Variants in OR10Z1 observed in about 807,000 individuals in gnomAD.
OR10Z1 encodes the protein olfactory receptor 10Z1.
For missense variants in OR10Z1, 468 were observed against 371.0 expected (o/e 1.26, Z -2.15); for synonymous variants, 187 against 151.2 (o/e 1.24, Z -1.74).
At position 158,609,383 on chromosome 1, in the gene OR10Z1, C is replaced by G. The variant is rs1649145558; in HGVS notation, c.*2003C>G. ...CTCATCAGGGGAGAAAGGCCATCTACTCTGAAGTTCTCAATATTGGAAGAA... is the reference window on the plus strand; with the variant it reads ...CTCATCAGGGGAGAAAGGCCATCTAGTCTGAAGTTCTCAATATTGGAAGAA... On this transcript the variant is annotated 3_prime_UTR_variant, in exon 2 of 2. Coordinates refer to ENST00000641002, the MANE Select transcript of OR10Z1 (RefSeq NM_001004478.2). 1 of 152,176 alleles carries G rather than the reference C, an allele frequency of 6.6e-6. No individual in the cohort carries two copies. The highest frequency in any genetic ancestry group is 2.4e-5 in the African/African-American group (1 of 41,442). The allele number at this position is 152,176 out of a possible 1,614,324, so 9.4% of individuals were successfully genotyped here. A position where few individuals can be genotyped will look rare whatever the true frequency, so the allele number is the denominator to read the frequency against.
In OR10Z1 at chr1:158,607,020, G is replaced by T. The variant is rs775370221; in HGVS notation, c.582G>T (p.Pro194=). The change falls in exon 2 of 2, where the codon CCG becomes CCT. Residue 194 remains proline (P), a synonymous_variant. Transcript: ENST00000641002. Reference sequence around the variant, plus strand: ...GCCTAGCCTGTGGAGATACAGGCCCGAGTGAGCTGAGGATCTTTATCCTCA... The same window carrying T: ...GCCTAGCCTGTGGAGATACAGGCCCTAGTGAGCTGAGGATCTTTATCCTCA... ...VLSLACGDTG[P]SELRIFILSL... The T allele has an allele frequency of 6.2e-7, 1 of 1,613,988 alleles. No individual in the cohort carries two copies. The highest frequency in any genetic ancestry group is 8.5e-7 in the Non-Finnish European group (1 of 1,179,970).
At position 158,607,317 on chromosome 1, in the gene OR10Z1, G is replaced by C. The variant is rs781215502; in HGVS notation, c.879G>C (p.Arg293Ser). Residue 293 changes from arginine to serine, a missense_variant, in exon 2 of 2, where the codon AGG becomes AGC. Coordinates refer to ENST00000641002, the MANE Select transcript of OR10Z1 (RefSeq NM_001004478.2). ...TTAATCCCATTGTTTATAGTCTAAG[G>C]AATAGGGCTATACAGACAGCTCTGA... The part of the protein sequence containing the change: ...PLLNPIVYSL[R>S]NRAIQTALRN... The C allele has an allele frequency of 4.3e-6, 7 of 1,613,908 alleles. No individual in the cohort carries two copies. The South Asian group carries it at 7.7e-5, about 18-fold the overall frequency.
chr1:158,606,701 G>T lies in OR10Z1; in HGVS notation c.263G>T (p.Gly88Val). 1.2e-6 allele frequency: 2 copies of T among 1,614,030 alleles called. No individual in the cohort carries two copies. The highest frequency in any genetic ancestry group is 1.7e-6 in the Non-Finnish European group (2 of 1,179,950). Residue 88 changes from glycine (G) to valine (V), a missense_variant, in exon 2 of 2, where the codon GGG (glycine) becomes GTG (valine). By Grantham distance (109) the Gly-to-Val change is moderately radical. Transcript: ENST00000641002. Reference sequence around the variant, plus strand: ...AGAATGCTCTCTGGCCTGGCTGGGGGGGACCAGGCTATCTCCTATGTGGGC... The same window carrying T: ...AGAATGCTCTCTGGCCTGGCTGGGGTGGACCAGGCTATCTCCTATGTGGGC... The part of the protein sequence containing the change: ...IPRMLSGLAG[G>V]DQAISYVGCA...
chr1:158,609,416 C>T lies in OR10Z1; in HGVS notation c.*2036C>T, dbSNP rs955167386. ...TTCTCAATATTGGAAGAAGTAATGC[C>T]TCATTGCACTGAGGCCATGTGAGCA... On this transcript the variant is annotated 3_prime_UTR_variant, in exon 2 of 2. Transcript: ENST00000641002. 1.3e-5 allele frequency: 2 copies of T among 152,164 alleles called. No homozygotes were observed. The highest frequency in any genetic ancestry group is 2.9e-5 in the Non-Finnish European group (2 of 68,024). 9.4% of individuals were successfully genotyped at this position (152,164 alleles called of 1,614,324 possible). A position where few individuals can be genotyped will look rare whatever the true frequency, so the allele number is the denominator to read the frequency against.
Position 158,609,849 on chromosome 1 carries a change from T to C in OR10Z1, c.*2469T>C, listed in dbSNP as rs1649160158. ...TTGAAAATTTTTGGCAGGGTTAGCA[T>C]TGGGGGAATGGAATCACATCCACCT... On this transcript the variant is annotated 3_prime_UTR_variant, in exon 2 of 2. Coordinates refer to ENST00000641002, the MANE Select transcript of OR10Z1 (RefSeq NM_001004478.2). 3 of 152,218 alleles carry C rather than the reference T, an allele frequency of 2.0e-5. No homozygotes were observed. In the South Asian group the frequency reaches 6.2e-4, roughly 32 times the overall value. The allele number at this position is 152,218 out of a possible 1,614,324, so 9.4% of individuals were successfully genotyped here. A position where few individuals can be genotyped will look rare whatever the true frequency, so the allele number is the denominator to read the frequency against.
Position 158,610,173 on chromosome 1 carries a change from A to G in OR10Z1, c.*2793A>G, listed in dbSNP as rs1401090247. 1 of 152,188 alleles carries G rather than the reference A, an allele frequency of 6.6e-6. No homozygotes were observed. Among genetic ancestry groups the G allele is most frequent in the African/African-American group, 2.4e-5 (1 of 41,446 alleles). 9.4% of individuals were successfully genotyped at this position (152,188 alleles called of 1,614,324 possible). A position where few individuals can be genotyped will look rare whatever the true frequency, so the allele number is the denominator to read the frequency against. The stretch of plus-strand genomic sequence containing the variant: ...TTTGTTTAAAAAAGGCTCCTATGAC[A>G]GGATTTGTCCTGCACAGATTCATTT... On this transcript the variant is annotated 3_prime_UTR_variant, in exon 2 of 2. Coordinates refer to ENST00000641002, the MANE Select transcript of OR10Z1 (RefSeq NM_001004478.2).
Position 158,611,731 on chromosome 1 carries a change from G to T in OR10Z1, c.*4351G>T, listed in dbSNP as rs1039361050. ...TCTTCCTGGCTGCTTTGAGATGTGG[G>T]GACTAGCATGTTTTATGAGTAAGGT... On this transcript the variant is annotated 3_prime_UTR_variant, in exon 2 of 2. Coordinates refer to ENST00000641002, the MANE Select transcript of OR10Z1 (RefSeq NM_001004478.2). 2.7e-5 allele frequency: 7 copies of T among 261,936 alleles called. No homozygotes were observed. The highest frequency in any genetic ancestry group is 5.2e-5 in the Non-Finnish European group (7 of 134,118). 16.2% of individuals were successfully genotyped at this position (261,936 alleles called of 1,614,324 possible).
chr1:158,611,482 T>C lies in OR10Z1; in HGVS notation c.*4102T>C. On this transcript the variant is annotated 3_prime_UTR_variant, in exon 2 of 2. Transcript: ENST00000641002. ...CATATTACGCCATAAATGCAGGAGA[T>C]GGAGAGTCTCTGGAAGACGCAAGCC... 2.7e-6 allele frequency: 4 copies of C among 1,487,744 alleles called. No individual in the cohort carries two copies. The highest frequency in any genetic ancestry group is 3.7e-6 in the Non-Finnish European group (4 of 1,074,658). 92.2% of individuals were successfully genotyped at this position (1,487,744 alleles called of 1,614,324 possible). A position where few individuals can be genotyped will look rare whatever the true frequency, so the allele number is the denominator to read the frequency against.
rs1649174341 is a variant in OR10Z1 at position 158,610,200 on chromosome 1, T to C, written c.*2820T>C. 1 of 152,200 alleles carries C rather than the reference T, an allele frequency of 6.6e-6. No individual in the cohort carries two copies. Among genetic ancestry groups the C allele is most frequent in the African/African-American group, 2.4e-5 (1 of 41,454 alleles). The allele number at this position is 152,200 out of a possible 1,614,324, so 9.4% of individuals were successfully genotyped here. On this transcript the variant is annotated 3_prime_UTR_variant, in exon 2 of 2. Coordinates refer to ENST00000641002, the MANE Select transcript of OR10Z1 (RefSeq NM_001004478.2). Reference sequence around the variant, plus strand: ...GATTTGTCCTGCACAGATTCATTTCTATGCAGAGGAAGGGACTGAGACTTA... The same window carrying C: ...GATTTGTCCTGCACAGATTCATTTCCATGCAGAGGAAGGGACTGAGACTTA...
At chr1:158,606,083 T>C (rs995289301) in intron 1 of OR10Z1, among the ~76,000 whole-genome samples, 4 of 152,204 alleles carry the variant, frequency 2.6e-5, no homozygotes, top group Non-Finnish European at 5.9e-5. Context: ...TAATTTATAG[T>C]TTTGAATGTG....
chr1:158,610,151 G>C lies in OR10Z1; in HGVS notation c.*2771G>C, dbSNP rs1321273519. The C allele has an allele frequency of 6.6e-6, 1 of 151,992 alleles. No homozygotes were observed. The highest frequency in any genetic ancestry group is 1.5e-5 in the Non-Finnish European group (1 of 67,990). The allele number at this position is 151,992 out of a possible 1,614,324, so 9.4% of individuals were successfully genotyped here. On this transcript the variant is annotated 3_prime_UTR_variant, in exon 2 of 2. Transcript: ENST00000641002. ...ACTTTTTAGCTTTAACCAACTTTTTGTTTAAAAAAGGCTCCTATGACAGGA... is the reference window on the plus strand; with the variant it reads ...ACTTTTTAGCTTTAACCAACTTTTTCTTTAAAAAAGGCTCCTATGACAGGA...
Position 158,607,529 on chromosome 1 carries a change from C to G in OR10Z1, c.*149C>G, listed in dbSNP as rs1649091760. On this transcript the variant is annotated 3_prime_UTR_variant, in exon 2 of 2. Transcript: ENST00000641002. ...CTTATCCTGCCTCTTGCCCTTCCCC[C>G]TGACTGCTTGGAATGCAGAGGCGGG... The G allele has an allele frequency of 5.0e-6, 3 of 604,116 alleles. No individual in the cohort carries two copies. The highest frequency in any genetic ancestry group is 2.3e-5 in the South Asian group (1 of 42,640). 37.4% of individuals were successfully genotyped at this position (604,116 alleles called of 1,614,324 possible). A position where few individuals can be genotyped will look rare whatever the true frequency, so the allele number is the denominator to read the frequency against.
At position 158,606,939 on chromosome 1, in the gene OR10Z1, A is replaced by G. The variant is rs763814460; in HGVS notation, c.501A>G (p.Ser167=). The G allele has an allele frequency of 6.2e-7, 1 of 1,613,950 alleles. No homozygotes were observed. The highest frequency in any genetic ancestry group is 8.5e-7 in the Non-Finnish European group (1 of 1,179,968). Reference sequence around the variant, plus strand: ...TGACACTAGTTATTTTCCACCTCTCATTCTGCAGCTCCCATGAAATCCAGC... The same window carrying G: ...TGACACTAGTTATTTTCCACCTCTCGTTCTGCAGCTCCCATGAAATCCAGC... The part of the protein sequence containing the change: ...LGMTLVIFHL[S]FCSSHEIQHF... Residue 167 remains serine (S), a synonymous_variant, in exon 2 of 2, where the codon TCA becomes TCG. Transcript: ENST00000641002.
At position 158,607,078 on chromosome 1, in the gene OR10Z1, A is replaced by G. The variant is rs1329619106; in HGVS notation, c.640A>G (p.Ile214Val). The G allele has an allele frequency of 6.2e-7, 1 of 1,613,812 alleles. No homozygotes were observed. Among genetic ancestry groups the G allele is most frequent in the South Asian group, 1.1e-5 (1 of 91,064 alleles). ...LLVLLVSFFF[I>V]TISYAYILAA... Reference sequence around the variant, plus strand: ...GGTCCTCTTGGTCTCCTTCTTCTTCATCACCATCTCCTACGCCTACATCTT... The same window carrying G: ...GGTCCTCTTGGTCTCCTTCTTCTTCGTCACCATCTCCTACGCCTACATCTT... The change falls in exon 2 of 2, where the codon ATC becomes GTC. Residue 214 changes from isoleucine (I) to valine (V), a missense_variant. Physicochemically the swap from Ile to Val is conservative, Grantham distance 29. Coordinates refer to ENST00000641002, the MANE Select transcript of OR10Z1 (RefSeq NM_001004478.2).
chr1:158,609,046 G>T lies in OR10Z1; in HGVS notation c.*1666G>T, dbSNP rs1649135172. 1 of 152,122 alleles carries T rather than the reference G, an allele frequency of 6.6e-6. No individual in the cohort carries two copies. The highest frequency in any genetic ancestry group is 2.4e-5 in the African/African-American group (1 of 41,402). 9.4% of individuals were successfully genotyped at this position (152,122 alleles called of 1,614,324 possible). A position where few individuals can be genotyped will look rare whatever the true frequency, so the allele number is the denominator to read the frequency against. ...ACCCATGGATATCAGCTTAAAAAAA[G>T]GCAAAGAGGCTTGAATATGGATAGT... On this transcript the variant is annotated 3_prime_UTR_variant, in exon 2 of 2. Coordinates refer to ENST00000641002, the MANE Select transcript of OR10Z1 (RefSeq NM_001004478.2).
At position 158,607,306 on chromosome 1, in the gene OR10Z1, T is replaced by C. The variant is rs751748524; in HGVS notation, c.868T>C (p.Tyr290His). ...VVTPLLNPIV[Y>H]SLRNRAIQTA... ...GACCCCCCTCCTTAATCCCATTGTT[T>C]ATAGTCTAAGGAATAGGGCTATACA... The change falls in exon 2 of 2, where the codon TAT (tyrosine) becomes CAT (histidine). Residue 290 changes from tyrosine to histidine, a missense_variant. By Grantham distance (83) the Tyr-to-His change is moderately conservative. Transcript: ENST00000641002. 1 of 1,613,942 alleles carries C rather than the reference T, an allele frequency of 6.2e-7. No individual in the cohort carries two copies. Among genetic ancestry groups the C allele is most frequent in the African/African-American group, 1.3e-5 (1 of 75,022 alleles).
chr1:158,607,288 C>T lies in OR10Z1; in HGVS notation c.850C>T (p.Leu284Phe). The T allele has an allele frequency of 6.2e-7, 1 of 1,613,964 alleles. No individual in the cohort carries two copies. Among genetic ancestry groups the T allele is most frequent in the Non-Finnish European group, 8.5e-7 (1 of 1,179,860 alleles). The change falls in exon 2 of 2, where the codon CTC becomes TTC. Residue 284 changes from leucine (L) to phenylalanine (F), a missense_variant. Physicochemically the swap from Leu to Phe is conservative, Grantham distance 22. Transcript: ENST00000641002. ...IAMTYTVVTP[L>F]LNPIVYSLRN... ...CATGACCTATACTGTAGTGACCCCC[C>T]TCCTTAATCCCATTGTTTATAGTCT...
Position 158,611,370 on chromosome 1 carries a change from A to T in OR10Z1, c.*3990A>T, listed in dbSNP as rs1276901548. 2 of 1,613,688 alleles carry T rather than the reference A, an allele frequency of 1.2e-6. No homozygotes were observed. The highest frequency in any genetic ancestry group is 1.7e-6 in the Non-Finnish European group (2 of 1,179,698). On this transcript the variant is annotated 3_prime_UTR_variant, in exon 2 of 2. Coordinates refer to ENST00000641002, the MANE Select transcript of OR10Z1 (RefSeq NM_001004478.2). ...CTGCATATGTGTGGCACAGAATGAC[A>T]CTTGCTCTGGGGTAAGGGCCTGAAA...
intron 1 of OR10Z1, 142 bp from the exon 2 acceptor site, chr1:158,606,184 A>C (rs1292721627): frequency 2.1e-6 from 1 of 468,962 alleles, no homozygotes; most frequent in Admixed American, 3.8e-5. Context: ...AAGTATGTGC[A>C]TATGAATGTC....
Sources: allele counts gnomAD v4.1 joint callset (sites outside exome capture counted in the v4.1 genomes callset), GRCh38; gene constraint gnomAD v4.1.1; transcripts MANE v1.5; gene names NCBI Gene and HGNC (gene_info 2026-07-23, HGNC 2026-07-21).